The following CDK12 variants were observed in gnomAD, a reference collection of about 807,000 sequenced individuals.
CDK12 encodes cyclin-dependent kinase 12.
In CDK12, 17 loss-of-function variants were observed where a neutral mutation model predicts 133.8. That is an observed-to-expected ratio of 0.13 (90% CI 0.09 to 0.19). The LOEUF is 0.19. Ranked by LOEUF, CDK12 falls within the 10% of genes least tolerant of loss-of-function variation. The probability of loss-of-function intolerance (pLI) is 1.00; values close to 1 mark genes in which losing one functional copy is unlikely to be tolerated. For synonymous variants in CDK12, 694 were observed against 683.6 expected, an observed-to-expected ratio of 1.02 and a Z score of -0.24; for missense variants, 1,508 against 1,818.7, an observed-to-expected ratio of 0.83 and a Z score of 3.11.
chr17:39,557,712 C>G (rs1185061516), intron 3 of CDK12, among the ~76,000 whole-genome samples: 2 of 152,158 alleles, frequency 1.3e-5, no homozygotes, highest in African/African-American at 4.8e-5. Context: ...TTGGATGAAG[C>G]ACAGTTACTT....
At chr17:39,486,693 C>G (rs1292449965) in intron 2 of CDK12, among the ~76,000 whole-genome samples, 4 of 151,984 alleles carry the variant, frequency 2.6e-5, no homozygotes, top group Admixed American at 2.0e-4. Flanking sequence ...CGCTGAACAT[C>G]TTAAAAATTA....
At chr17:39,538,400 A>G (rs944610324), downstream of CDK12, among the ~76,000 whole-genome samples, 1 of 152,196 alleles carries the variant, frequency 6.6e-6, no homozygotes, top group Non-Finnish European at 1.5e-5. Flanking sequence ...ACAAAAGAAG[A>G]TTAGTTTGTT....
rs1567687310 is a variant in CDK12 at position 39,471,585 on chromosome 17, C to T, written c.1753C>T (p.Pro585Ser). Residue 585 changes from proline (P) to serine (S), a missense_variant, in exon 2 of 14, where the codon CCC becomes TCC. Transcript: ENST00000447079. ...TCCTGCTTCCAGTACTTCAACTTTG[C>T]CCCCTTCTACTCACTCAAAGACATC... Reference protein sequence around the residue: ...QVPASSTSTLPPSTHSKTSAV... With the variant: ...QVPASSTSTLSPSTHSKTSAV... 2 of 1,614,106 alleles carry T rather than the reference C, an allele frequency of 1.2e-6. No individual in the cohort carries two copies.
At chr17:39,465,081 A>G (rs1277193216) in intron 1 of CDK12, among the ~76,000 whole-genome samples, 1 of 151,970 alleles carries the variant, frequency 6.6e-6, no homozygotes, top group African/African-American at 2.4e-5. Context: ...TGCTGTCTCT[A>G]TAAAAATATA....
In CDK12 at chr17:39,532,776, A is replaced by C. The variant is rs1301222837; in HGVS notation, c.*1460A>C. ...GCAAGAACTTTGCCTTATCATAAAC[A>C]GGAAATGAAAAAGGGAAGGGCTGTC... is the stretch of plus-strand genomic sequence containing the variant. On this transcript the variant is annotated 3_prime_UTR_variant, in exon 14 of 14. Transcript: ENST00000447079. 2.1e-5 allele frequency: 5 copies of C among 232,720 alleles called. No homozygotes were observed. Among genetic ancestry groups the C allele is most frequent in the Non-Finnish European group, 3.4e-5 (4 of 117,734 alleles). The allele number at this position is 232,720 out of a possible 1,614,324, so 14.4% of individuals were successfully genotyped here.
intron 8 of CDK12, 67 bp from the exon 9 acceptor site, chr17:39,515,664 T>A (rs1598134070): frequency 1.1e-5 from 11 of 1,036,466 alleles, no homozygotes; most frequent in Non-Finnish European, 1.6e-5. Flanking sequence ...AATGTAAAAA[T>A]TTTTTGAGAC....
In CDK12 at chr17:39,509,747, T is replaced by C; in HGVS notation, c.2652T>C (p.Tyr884=). 1 of 1,611,026 alleles carries C rather than the reference T, an allele frequency of 6.2e-7. No individual in the cohort carries two copies. The highest frequency in any genetic ancestry group is 1.7e-4 in the Middle Eastern group (1 of 6,060). ...KLADFGLARL[Y]NSEESRPYTN... is the part of the protein sequence containing the mutation. ...CAGATTTTGGACTTGCTCGGCTCTA[T>C]AACTCTGAAGAGAGGTAAGGCATTA... Residue 884 remains tyrosine, a synonymous_variant, in exon 7 of 14, where the codon TAT becomes TAC. Coordinates refer to ENST00000447079, the MANE Select transcript of CDK12 (RefSeq NM_016507.4).
At chr17:39,480,004 A>G (rs1024380551) in intron 2 of CDK12, among the ~76,000 whole-genome samples, 41 of 149,022 alleles carry the variant, frequency 2.8e-4, no homozygotes, top group African/African-American at 9.9e-4. Context: ...GCTGACTGCA[A>G]CCTCCACTTC....
chr17:39,534,149 T>G lies in CDK12; in HGVS notation c.*2833T>G, dbSNP rs899201747. 3.0e-5 allele frequency: 7 copies of G among 232,668 alleles called. No homozygotes were observed. The highest frequency in any genetic ancestry group is 5.9e-5 in the Non-Finnish European group (7 of 117,696). 14.4% of individuals were successfully genotyped at this position (232,668 alleles called of 1,614,324 possible). On this transcript the variant is annotated 3_prime_UTR_variant, in exon 14 of 14. Coordinates refer to ENST00000447079, the MANE Select transcript of CDK12 (RefSeq NM_016507.4). The stretch of plus-strand genomic sequence containing the variant: ...CCTTAGTTTTTTCTTCAACTGTCCA[T>G]AGGAACGATAAGTATTTGAAAGCAA...
intron 2 of CDK12, among the ~76,000 whole-genome samples, chr17:39,474,618 A>T (rs1437170202): frequency 6.6e-6 from 1 of 151,936 alleles, no homozygotes; most frequent in East Asian, 1.9e-4. Flanking sequence ...CCCGGCCAAT[A>T]TTGGTCATTT....
At chr17:39,480,341 G>C (rs1450736417) in intron 2 of CDK12, among the ~76,000 whole-genome samples, 2 of 150,408 alleles carry the variant, frequency 1.3e-5, no homozygotes, top group African/African-American at 2.4e-5. Flanking sequence ...TTGGCTCACT[G>C]TAACCTCCAT....
At chr17:39,512,881 A>G (rs1193148219) in intron 8 of CDK12, among the ~76,000 whole-genome samples, 5 of 152,126 alleles carry the variant, frequency 3.3e-5, no homozygotes, top group Non-Finnish European at 7.4e-5. Context: ...TTTTGGTTTT[A>G]TTATGAATTC....
Position 39,534,407 on chromosome 17 carries a change from C to A in CDK12, c.*3091C>A, listed in dbSNP as rs2055037770. 4.3e-6 allele frequency: 1 copy of A among 232,694 alleles called. No homozygotes were observed. Among genetic ancestry groups the A allele is most frequent in the Non-Finnish European group, 8.5e-6 (1 of 117,756 alleles). 14.4% of individuals were successfully genotyped at this position (232,694 alleles called of 1,614,324 possible). ...CTGATTTAGGTTCCTGACACTGATT[C>A]CTTTCTCTCTCGTTTTTGACCCCCA... On this transcript the variant is annotated 3_prime_UTR_variant, in exon 14 of 14. Coordinates refer to ENST00000447079, the MANE Select transcript of CDK12 (RefSeq NM_016507.4).
chr17:39,496,369 C>G (rs1434108297), intron 5 of CDK12, among the ~76,000 whole-genome samples: 3 of 152,016 alleles, frequency 2.0e-5, no homozygotes, highest in Admixed American at 2.0e-4. Flanking sequence ...ATTTACCAGT[C>G]CCTGTTGAGC....
chr17:39,530,888 A>G lies in CDK12; in HGVS notation c.4045A>G (p.Ser1349Gly). The G allele has an allele frequency of 6.2e-7, 1 of 1,614,220 alleles. No homozygotes were observed. ...GNTDGPETGF[S>G]AIDTDERNSG... ...CACTGATGGGCCTGAAACAGGGTTC[A>G]GTGCCATTGACACTGATGAACGAAA... The change falls in exon 14 of 14, where the codon AGT (serine) becomes GGT (glycine). Residue 1349 changes from serine (S) to glycine (G), a missense_variant. This residue lies in a region of CDK12 where 399 missense variants were observed against 469.6 expected (regional missense o/e 0.85). Transcript: ENST00000447079.
intron 2 of CDK12, among the ~76,000 whole-genome samples, chr17:39,482,411 C>T (rs1287313983): frequency 2.0e-5 from 3 of 151,870 alleles, no homozygotes; most frequent in African/African-American, 7.3e-5. Flanking sequence ...GTTCAGTAAA[C>T]TCCAAATGAA....
chr17:39,542,269 C>T (rs2055460914), intron 1 of CDK12, among the ~76,000 whole-genome samples: 1 of 151,970 alleles, frequency 6.6e-6, no homozygotes, highest in African/African-American at 2.4e-5. Context: ...TCACTGCAAC[C>T]TCCACCTTCT....
At chr17:39,507,147 C>T (rs1377672670) in intron 6 of CDK12, among the ~76,000 whole-genome samples, 1 of 151,734 alleles carries the variant, frequency 6.6e-6, no homozygotes, top group Non-Finnish European at 1.5e-5. Context: ...CCGCCTGCCT[C>T]GGTCTCCCAA....
intron 5 of CDK12, among the ~76,000 whole-genome samples, chr17:39,499,320 G>A (rs1361025983): frequency 2.7e-5 from 4 of 149,126 alleles, no homozygotes. Context: ...CGATTGTCAT[G>A]CCTCAGCCTC....
Sources: allele counts gnomAD v4.1 joint callset (sites outside exome capture counted in the v4.1 genomes callset), GRCh38; gene constraint gnomAD v4.1.1; regional missense constraint gnomAD v4.1.1; transcripts MANE v1.5; gene names NCBI Gene and HGNC (gene_info 2026-07-23, HGNC 2026-07-21).